Variants in FRMD4A observed in about 807,000 individuals in gnomAD.
The protein encoded by FRMD4A is FERM domain containing 4A, also known as FERM domain-containing protein 4A.
A neutral mutation model predicts 129.1 loss-of-function variants in FRMD4A; 29 were observed. The ratio of observed to expected loss-of-function variants is 0.22; its 90% CI spans 0.17 to 0.31. FRMD4A has a LOEUF of 0.31. FRMD4A is among the 10% of genes least tolerant of loss of function. The probability of loss-of-function intolerance (pLI) is 1.00; values close to 1 mark genes in which losing one functional copy is unlikely to be tolerated. For missense variants in FRMD4A, 1,272 were observed against 1,375.8 expected (o/e 0.92, Z 1.19); for synonymous variants, 634 against 571.6 (o/e 1.11, Z -1.56).
rs758038748 is a variant in FRMD4A at position 13,740,500 on chromosome 10, G to A, written c.614+12C>T. 4.0e-6 allele frequency: 6 copies of A among 1,510,996 alleles called. No homozygotes were observed. The highest frequency in any genetic ancestry group is 5.5e-6 in the Non-Finnish European group (6 of 1,088,838). 93.6% of individuals were successfully genotyped at this position (1,510,996 alleles called of 1,614,324 possible). On this transcript the variant is annotated intron_variant, in intron 10 of 24. Coordinates refer to ENST00000357447, the MANE Select transcript of FRMD4A (RefSeq NM_018027.5). ...ACACTGTCCCCATGTGAGCTGGGAA[G>A]GGGCCACTTACTTTACGATTGCTTG...
rs994758697 is a variant in FRMD4A at position 13,972,050 on chromosome 10, C to T, written c.46-113138G>A. On this transcript the variant is annotated intron_variant, in intron 2 of 24. Coordinates refer to ENST00000357447, the MANE Select transcript of FRMD4A (RefSeq NM_018027.5). ...TTAACTCCCTCCCAAAGTGTTTTCT[C>T]CTTGTCTCTGGGGACTCACCAGGGA... 6.9e-6 allele frequency: 8 copies of T among 1,155,748 alleles called. No homozygotes were observed. In the Admixed American group the frequency reaches 1.9e-4, roughly 27 times the overall value. The allele number at this position is 1,155,748 out of a possible 1,614,324, so 71.6% of individuals were successfully genotyped here.
chr10:14,103,298 GA>G (rs1448115339), intron 2 of FRMD4A, among the ~76,000 whole-genome samples: 1 of 152,206 alleles, frequency 6.6e-6, no homozygotes, highest in African/African-American at 2.4e-5. Context: ...TGTGTTCTGT[GA>G]CTAAGCTTTA....
chr10:13,931,829 A>T (rs912917157), intron 2 of FRMD4A, among the ~76,000 whole-genome samples: 2 of 151,670 alleles, frequency 1.3e-5, no homozygotes, highest in Non-Finnish European at 2.9e-5. Flanking sequence ...TGTGCCTATA[A>T]TCCCAGGTAC....
chr10:13,691,739 T>G (rs2085713556), intron 15 of FRMD4A, among the ~76,000 whole-genome samples: 1 of 152,090 alleles, frequency 6.6e-6, no homozygotes, highest in South Asian at 2.1e-4. Flanking sequence ...AGATTCCCTG[T>G]GCTAAGGGGG....
At chr10:14,022,029 C>T (rs1325357464) in intron 2 of FRMD4A, among the ~76,000 whole-genome samples, 3 of 151,912 alleles carry the variant, frequency 2.0e-5, no homozygotes, top group African/African-American at 7.3e-5. Context: ...AAAACTCAAG[C>T]GATTGATATG....
rs748269061 is a variant in FRMD4A at position 13,674,785 on chromosome 10, T to C, written c.1251+126A>G. 74 of 1,074,648 alleles carry C rather than the reference T, an allele frequency of 6.9e-5. 2 individuals are homozygous for C. The Middle Eastern group carries it at 4.7e-3, about 69-fold the overall frequency. The allele number at this position is 1,074,648 out of a possible 1,614,324, so 66.6% of individuals were successfully genotyped here. A position where few individuals can be genotyped will look rare whatever the true frequency, so the allele number is the denominator to read the frequency against. On this transcript the variant is annotated intron_variant, in intron 16 of 24. Transcript: ENST00000357447. ...ATAGGCCCTCTTTTTATCACTACCCTTGCCTTCTGTCAAAACGATCAAATG... is the reference window on the plus strand; with the variant it reads ...ATAGGCCCTCTTTTTATCACTACCCCTGCCTTCTGTCAAAACGATCAAATG...
chr10:13,701,286 A>G, intron 14 of FRMD4A, 54 bp downstream of exon 14: 1 of 1,560,210 alleles, frequency 6.4e-7, no homozygotes, highest in Non-Finnish European at 8.8e-7. Context: ...CCTCATTCCT[A>G]AACTAAGAGA....
At chr10:14,319,367 T>TCTCTCTCTCTCTCACACA (rs112041665) in intron 2 of FRMD4A, among the ~76,000 whole-genome samples, 1 of 145,050 alleles carries the variant, frequency 6.9e-6, no homozygotes, top group African/African-American at 2.7e-5. Flanking sequence ...TCTCTCTCTC[T>TCTCTCTCTCTCTCACACA]CACACACACA....
intron 3 of FRMD4A, among the ~76,000 whole-genome samples, chr10:13,832,928 T>C (rs1214836625): frequency 1.3e-5 from 2 of 152,190 alleles, no homozygotes; most frequent in African/African-American, 4.8e-5. Flanking sequence ...TTCTAATGAG[T>C]GCAACTAGGA....
At chr10:13,887,006 C>T (rs2094631293) in intron 2 of FRMD4A, among the ~76,000 whole-genome samples, 1 of 152,182 alleles carries the variant, frequency 6.6e-6, no homozygotes, top group African/African-American at 2.4e-5. Context: ...ATGCTCCTGA[C>T]CACAGACAAC....
intron 2 of FRMD4A, among the ~76,000 whole-genome samples, chr10:14,138,382 G>GT (rs1441441456): frequency 7.2e-5 from 11 of 152,262 alleles, no homozygotes; most frequent in South Asian, 2.1e-4. Flanking sequence ...TGAAGTAAAG[G>GT]TTTGATGGCA....
intron 2 of FRMD4A, among the ~76,000 whole-genome samples, chr10:14,209,821 G>C (rs772257989): frequency 1.3e-5 from 2 of 152,022 alleles, no homozygotes; most frequent in African/African-American, 4.8e-5. Flanking sequence ...CCAGGAGGTC[G>C]TGGCTGCAGT....
intron 2 of FRMD4A, among the ~76,000 whole-genome samples, chr10:14,276,190 G>A (rs1486098959): frequency 6.6e-6 from 1 of 152,172 alleles, no homozygotes. Flanking sequence ...CAACTTGCAA[G>A]GTCCCTTTTC....
At chr10:14,206,809 C>CAAAAAAAAAAAAAAAAAAAA (rs57029013) in intron 2 of FRMD4A, among the ~76,000 whole-genome samples, 7 of 43,040 alleles carry the variant, frequency 1.6e-4, no homozygotes, top group Non-Finnish European at 1.9e-4. Context: ...GACGCTATCT[C>CAAAAAAAAAAAAAAAAAAAA]AAAAAAAAAA....
At chr10:14,060,969 A>G (rs1300544646) in intron 2 of FRMD4A, among the ~76,000 whole-genome samples, 1 of 152,154 alleles carries the variant, frequency 6.6e-6, no homozygotes, top group Non-Finnish European at 1.5e-5. Flanking sequence ...TTTGATTTTT[A>G]TGTATAAGAT....
At chr10:14,085,328 G>A (rs906117588) in intron 2 of FRMD4A, among the ~76,000 whole-genome samples, 7 of 152,218 alleles carry the variant, frequency 4.6e-5, no homozygotes, top group Admixed American at 6.5e-5. Context: ...CACGGCAGAT[G>A]CGCACCTCAC....
At chr10:14,178,036 G>C (rs1034955426) in intron 2 of FRMD4A, among the ~76,000 whole-genome samples, 7 of 152,154 alleles carry the variant, frequency 4.6e-5, no homozygotes, top group African/African-American at 1.7e-4. Context: ...TCATGCAGTA[G>C]TTCACACAAT....
chr10:14,000,875 G>A (rs996187593), intron 2 of FRMD4A, among the ~76,000 whole-genome samples: 15 of 151,956 alleles, frequency 9.9e-5, no homozygotes, highest in African/African-American at 1.9e-4. Flanking sequence ...CTATGACTTC[G>A]GAAGGCCTCA....
At chr10:14,261,941 A>AACACACAC (rs55763234) in intron 2 of FRMD4A, among the ~76,000 whole-genome samples, 5,428 of 128,136 alleles carry the variant, frequency 0.042, 154 homozygotes, top group East Asian at 0.11. Context: ...CACCACACCA[A>AACACACAC]ACACACACAC....
Sources: gnomAD v4.1 joint callset for allele counts (sites outside exome capture counted in the v4.1 genomes callset) on GRCh38, gnomAD v4.1.1 for gene constraint, MANE v1.5 for transcripts, NCBI Gene and HGNC (gene_info 2026-07-23, HGNC 2026-07-21) for gene names.